ZNF148: variants seen among roughly 807,000 people sequenced by gnomAD.
ZNF148 encodes the protein Beta-Enolase Repressor Factor-1.
Under a neutral mutation model 67.7 loss-of-function variants are expected in ZNF148, and 7 were observed. The observed-to-expected ratio is 0.10, with a 90% confidence interval of 0.06 to 0.19. ZNF148 has a LOEUF of 0.19. Ranked by LOEUF, ZNF148 falls within the 10% of genes least tolerant of loss-of-function variation. The pLI, the probability that ZNF148 is intolerant of heterozygous loss-of-function variation, is 1.00. For missense variants in ZNF148, 583 were observed against 947.1 expected, an observed-to-expected ratio of 0.62 and a Z score of 5.05; for synonymous variants, 333 against 330.7, an observed-to-expected ratio of 1.01 and a Z score of -0.08.
intron 4 of ZNF148, chr3:125,310,890 G>T (rs1560161425): frequency 9.4e-6 from 2 of 213,842 alleles, no homozygotes; most frequent in Non-Finnish European, 2.0e-5. Context: ...GCCATGCCCT[G>T]CTCTGAAGAG....
intron 7 of ZNF148, among the ~76,000 whole-genome samples, chr3:125,257,496 G>A (rs765607779): frequency 6.6e-6 from 1 of 150,668 alleles, no homozygotes; most frequent in Non-Finnish European, 1.5e-5. Context: ...GGAGGTTGGT[G>A]GTGAGCTGAG....
chr3:125,359,892 T>C (rs1225094725), intron 1 of ZNF148, among the ~76,000 whole-genome samples: 1 of 152,220 alleles, frequency 6.6e-6, no homozygotes, highest in East Asian at 1.9e-4. Context: ...CCCGCCACCA[T>C]GCAGCTCCAC....
At chr3:125,264,542 T>C (rs906790754) in intron 7 of ZNF148, among the ~76,000 whole-genome samples, 2 of 152,212 alleles carry the variant, frequency 1.3e-5, no homozygotes, top group African/African-American at 4.8e-5. Flanking sequence ...CTTGAAATCA[T>C]CTGCCTTGTT....
At chr3:125,329,676 G>A (rs1941198734) in intron 2 of ZNF148, among the ~76,000 whole-genome samples, 1 of 151,570 alleles carries the variant, frequency 6.6e-6, no homozygotes, top group Admixed American at 6.6e-5. Context: ...TTTTAAATAT[G>A]TGCAAAGGTG....
intron 1 of ZNF148, among the ~76,000 whole-genome samples, chr3:125,343,871 G>A (rs1041691328): frequency 2.6e-5 from 4 of 152,070 alleles, no homozygotes; most frequent in African/African-American, 4.8e-5. Context: ...CGAACCCACC[G>A]ACAGGAACCA....
intron 4 of ZNF148, among the ~76,000 whole-genome samples, chr3:125,297,336 A>C (rs1409518790): frequency 6.6e-6 from 1 of 152,262 alleles, no homozygotes; most frequent in East Asian, 1.9e-4. Context: ...AAAACCATAA[A>C]GCCTCCAAAA....
intron 5 of ZNF148, among the ~76,000 whole-genome samples, chr3:125,285,604 G>A (rs1165172399): frequency 6.6e-6 from 1 of 151,794 alleles, no homozygotes; most frequent in African/African-American, 2.4e-5. Context: ...ATGTTGCCCA[G>A]GATGGTCTTG....
At chr3:125,357,052 G>A (rs1559780221) in intron 1 of ZNF148, 1 of 152,214 alleles carries the variant, frequency 6.6e-6, no homozygotes, top group Non-Finnish European at 1.5e-5. Flanking sequence ...GAAGAAAAAC[G>A]GGTGTCCATC....
chr3:125,297,336 A>G (rs1409518790), intron 4 of ZNF148, among the ~76,000 whole-genome samples: 1 of 152,144 alleles, frequency 6.6e-6, no homozygotes, highest in Admixed American at 6.5e-5. Context: ...AAAACCATAA[A>G]GCCTCCAAAA....
At chr3:125,247,325 AT>A (rs1355939357) in intron 7 of ZNF148, among the ~76,000 whole-genome samples, 1 of 152,084 alleles carries the variant, frequency 6.6e-6, no homozygotes, top group African/African-American at 2.4e-5. Flanking sequence ...TTAAAAAATT[AT>A]TTTTTCTGGG....
intron 7 of ZNF148, among the ~76,000 whole-genome samples, chr3:125,258,213 G>C (rs1937176456): frequency 6.6e-6 from 1 of 151,950 alleles, no homozygotes; most frequent in Middle Eastern, 3.4e-3. Flanking sequence ...ATGAGGTCAG[G>C]AGATCGAAAC....
chr3:125,256,447 C>T (rs929064510), intron 7 of ZNF148, among the ~76,000 whole-genome samples: 23 of 151,820 alleles, frequency 1.5e-4, no homozygotes, highest in South Asian at 2.1e-4. Flanking sequence ...GAGGTCAAGG[C>T]GGGCGGATCA....
At chr3:125,372,058 C>A (rs890498568) in intron 1 of ZNF148, among the ~76,000 whole-genome samples, 1 of 92,804 alleles carries the variant, frequency 1.1e-5, no homozygotes, top group South Asian at 3.3e-4. Context: ...AGCGAGACTC[C>A]GTCTCAAAAA....
chr3:125,277,876 G>A, intron 6 of ZNF148, 67 bp from the exon 7 acceptor site: 1 of 1,340,366 alleles, frequency 7.5e-7, no homozygotes, highest in Non-Finnish European at 1.0e-6. Flanking sequence ...TACTGTTTCT[G>A]AGGAAAGAAA....
At chr3:125,335,776 T>G (rs969287324) in intron 1 of ZNF148, among the ~76,000 whole-genome samples, 1 of 152,256 alleles carries the variant, frequency 6.6e-6, no homozygotes, top group Non-Finnish European at 1.5e-5. Flanking sequence ...TCACATTTCA[T>G]GTAGACAGTT....
At chr3:125,322,027 CTTTTT>C (rs35879999) in intron 3 of ZNF148, among the ~76,000 whole-genome samples, 2 of 82,928 alleles carry the variant, frequency 2.4e-5, no homozygotes, top group African/African-American at 4.9e-5. Flanking sequence ...TAATCAACGG[CTTTTT>C]TTTTTTTTTT....
intron 4 of ZNF148, among the ~76,000 whole-genome samples, chr3:125,293,630 C>CA (rs1212822563): frequency 3.9e-5 from 6 of 152,148 alleles, no homozygotes; most frequent in African/African-American, 1.4e-4. Context: ...TCCTAATGAC[C>CA]AAAGATGGAA....
chr3:125,256,092 C>T (rs964763506), intron 7 of ZNF148, among the ~76,000 whole-genome samples: 1 of 151,750 alleles, frequency 6.6e-6, no homozygotes, highest in African/African-American at 2.4e-5. Context: ...AAAAAAAAAT[C>T]GGCGGGGCGC....
At chr3:125,357,406 CA>C (rs1433286313) in intron 1 of ZNF148, 6 of 151,718 alleles carry the variant, frequency 4.0e-5, no homozygotes, top group South Asian at 2.1e-4. Context: ...GACACACACA[CA>C]CCCCCCAAAA....
Sources: allele counts gnomAD v4.1 joint callset (sites outside exome capture counted in the v4.1 genomes callset), GRCh38; gene constraint gnomAD v4.1.1; transcripts MANE v1.5; gene names NCBI Gene and HGNC (gene_info 2026-07-23, HGNC 2026-07-21).